NWD2: variants seen among roughly 807,000 people sequenced by gnomAD.
NWD2 encodes NACHT and WD repeat domain-containing protein 2.
A neutral mutation model predicts 132.7 loss-of-function variants in NWD2; 37 were observed. The ratio of observed to expected loss-of-function variants is 0.28; its 90% CI spans 0.21 to 0.37. The LOEUF (loss-of-function observed/expected upper bound fraction) is 0.37. NWD2 is among the 10% of genes least tolerant of loss of function. The pLI is 1.00. For missense variants in NWD2, 1,592 were observed against 2,122.4 expected, an observed-to-expected ratio of 0.75 and a Z score of 4.91; for synonymous variants, 705 against 803.0, an observed-to-expected ratio of 0.88 and a Z score of 2.06.
At chr4:37,286,573 TAGAA>T (rs1206697654) in intron 1 of NWD2, among the ~76,000 whole-genome samples, 1 of 152,148 alleles carries the variant, frequency 6.6e-6, no homozygotes, top group Non-Finnish European at 1.5e-5. Context: ...TTGGGGTCAG[TAGAA>T]AGAACACAAG....
At chr4:37,363,841 C>T (rs1264934167) in intron 3 of NWD2, among the ~76,000 whole-genome samples, 1 of 151,976 alleles carries the variant, frequency 6.6e-6, no homozygotes, top group African/African-American at 2.4e-5. Flanking sequence ...AAAAAGCAGA[C>T]GGCCGGGCGC....
At chr4:37,248,917 C>T (rs141387498) in intron 1 of NWD2, among the ~76,000 whole-genome samples, 6 of 152,242 alleles carry the variant, frequency 3.9e-5, no homozygotes, top group African/African-American at 7.2e-5. Context: ...AAAATACTTA[C>T]GCTCTAATAT....
chr4:37,348,673 TATAC>T (rs1188743927), intron 2 of NWD2, among the ~76,000 whole-genome samples: 4 of 28,204 alleles, frequency 1.4e-4, no homozygotes, highest in Non-Finnish European at 1.9e-4. Context: ...TATATATATA[TATAC>T]ACACACACAC....
intron 3 of NWD2, among the ~76,000 whole-genome samples, chr4:37,390,790 G>A (rs1720666808): frequency 6.6e-6 from 1 of 152,136 alleles, no homozygotes; most frequent in Admixed American, 6.5e-5. Flanking sequence ...GCTTCATGAA[G>A]GACCTTGACA....
Position 37,244,950 on chromosome 4 carries a change from C to T in NWD2, c.-118C>T. On this transcript the variant is annotated 5_prime_UTR_variant, in exon 1 of 7. Coordinates refer to ENST00000309447, the MANE Select transcript of NWD2 (RefSeq NM_001144990.2). This position sits in a 1 kb window ranked among gnomAD's most constrained non-coding sequence, Gnocchi z 5.5. ...AAGGCGCTTCGGGCTCGGAGCGGCT[C>T]TGAGCCGCGCCGCCTGCTGAGATCG... 7.1e-7 allele frequency: 1 copy of T among 1,398,950 alleles called. No individual in the cohort carries two copies. The highest frequency in any genetic ancestry group is 9.6e-7 in the Non-Finnish European group (1 of 1,044,258). The allele number at this position is 1,398,950 out of a possible 1,614,324, so 86.7% of individuals were successfully genotyped here.
intron 1 of NWD2, among the ~76,000 whole-genome samples, chr4:37,265,562 A>G (rs1035045048): frequency 1.3e-5 from 2 of 152,050 alleles, no homozygotes; most frequent in Non-Finnish European, 1.5e-5. Context: ...TGCATCTTCT[A>G]GACTCTAGGT....
chr4:37,283,391 A>G (rs1043295596), intron 1 of NWD2, among the ~76,000 whole-genome samples: 2 of 152,196 alleles, frequency 1.3e-5, no homozygotes, highest in African/African-American at 4.8e-5. Flanking sequence ...TTTTAAATTC[A>G]GTATGTCTGT....
Position 37,439,540 on chromosome 4 carries a change from T to A in NWD2, c.1296+150T>A. Reference sequence around the variant, plus strand: ...GAATACTGCAGTGCTTCTTTTTTGCTGGTATAACAGTTATATTGAGAGAGC... The same window carrying A: ...GAATACTGCAGTGCTTCTTTTTTGCAGGTATAACAGTTATATTGAGAGAGC... On this transcript the variant is annotated intron_variant, in intron 6 of 6. Coordinates refer to ENST00000309447, the MANE Select transcript of NWD2 (RefSeq NM_001144990.2). The surrounding 1 kb of genome is among the most constrained non-coding windows in gnomAD (Gnocchi z 4.5). 1 of 567,484 alleles carries A rather than the reference T, an allele frequency of 1.8e-6. No individual in the cohort carries two copies. The highest frequency in any genetic ancestry group is 3.4e-5 in the South Asian group (1 of 29,298). The allele number at this position is 567,484 out of a possible 1,614,324, so 35.2% of individuals were successfully genotyped here. A position where few individuals can be genotyped will look rare whatever the true frequency, so the allele number is the denominator to read the frequency against.
intron 2 of NWD2, among the ~76,000 whole-genome samples, chr4:37,345,914 C>G (rs1226149600): frequency 6.6e-6 from 1 of 151,974 alleles, no homozygotes; most frequent in Non-Finnish European, 1.5e-5. Flanking sequence ...AATCCCGTCT[C>G]TACTAAAAAT....
chr4:37,420,029 C>T (rs796393659), intron 3 of NWD2, among the ~76,000 whole-genome samples: 7 of 152,304 alleles, frequency 4.6e-5, no homozygotes, highest in South Asian at 4.1e-4. Flanking sequence ...TAGGTATGCT[C>T]ATTATTTTCC....
rs1011699776 is a variant in NWD2, at chr4:37,444,703, A to C, written c.2715A>C (p.Ala905=). ...GCAGCATCAAAAACAAGGTCACTGC[A>C]TTTCCCGGCTCCCTTTCAGCAGAGC... The part of the protein sequence containing the change: ...TLRSIKNKVT[A]FPGSLSAELQ... Residue 905 remains alanine, a synonymous_variant, in exon 7 of 7, where the codon GCA becomes GCC. Transcript: ENST00000309447. This position sits in a 1 kb window ranked among gnomAD's most constrained non-coding sequence, Gnocchi z 4.8. 16 of 1,552,012 alleles carry C rather than the reference A, an allele frequency of 1.0e-5. No individual in the cohort carries two copies. Among genetic ancestry groups the C allele is most frequent in the African/African-American group, 1.4e-5 (1 of 73,034 alleles).
At chr4:37,275,061 T>C (rs946361217) in intron 1 of NWD2, among the ~76,000 whole-genome samples, 2 of 152,144 alleles carry the variant, frequency 1.3e-5, no homozygotes, top group Non-Finnish European at 2.9e-5. Flanking sequence ...TTCAACATAG[T>C]GTTGGAAGTT....
intron 1 of NWD2, among the ~76,000 whole-genome samples, chr4:37,292,934 C>T (rs1371173177): frequency 6.6e-6 from 1 of 152,198 alleles, no homozygotes; most frequent in Non-Finnish European, 1.5e-5. Context: ...GCTGTGCAGC[C>T]TGGTTCCTAA....
intron 1 of NWD2, among the ~76,000 whole-genome samples, chr4:37,292,193 T>A (rs1183829040): frequency 6.6e-6 from 1 of 152,144 alleles, no homozygotes; most frequent in African/African-American, 2.4e-5. Flanking sequence ...CAAAGATCCA[T>A]GCAGGAAACT....
intron 1 of NWD2, among the ~76,000 whole-genome samples, chr4:37,293,108 T>C (rs1251348772): frequency 1.3e-5 from 2 of 152,210 alleles, no homozygotes; most frequent in Non-Finnish European, 2.9e-5. Context: ...TGTTACCACT[T>C]TCTTTTTCAA....
At chr4:37,427,969 G>A (rs1239788228) in intron 3 of NWD2, among the ~76,000 whole-genome samples, 2 of 152,220 alleles carry the variant, frequency 1.3e-5, no homozygotes, top group Non-Finnish European at 2.9e-5. Context: ...ACAGAAAGAA[G>A]CTTCAGAGAA....
In NWD2 at chr4:37,294,451, C is replaced by T. The variant is rs534345706; in HGVS notation, c.152-31485C>T. 1.1e-3 allele frequency among the ~76,000 whole-genome samples: 169 copies of T among 152,212 alleles called. 5 individuals carry two copies. In the South Asian group the frequency reaches 0.016, roughly 15 times the overall value. ...GGACTACATGCTGACTTGCCAGAGG[C>T]CATAGGAGCAGCTAAGAAGGATACA... On this transcript the variant is annotated intron_variant, in intron 1 of 6. Coordinates refer to ENST00000309447, the MANE Select transcript of NWD2 (RefSeq NM_001144990.2).
At chr4:37,342,326 T>C (rs1009629754) in intron 2 of NWD2, among the ~76,000 whole-genome samples, 8 of 152,112 alleles carry the variant, frequency 5.3e-5, no homozygotes, top group Non-Finnish European at 1.0e-4. Context: ...CCTTCCACCA[T>C]GAGTAAAAGC....
At chr4:37,327,928 A>G (rs1297545035) in intron 2 of NWD2, among the ~76,000 whole-genome samples, 12 of 152,070 alleles carry the variant, frequency 7.9e-5, no homozygotes, top group Admixed American at 7.9e-4. Context: ...GGTCTACTTC[A>G]TGCTTGCTTG....
Sources: gnomAD v4.1 joint callset for allele counts (sites outside exome capture counted in the v4.1 genomes callset) on GRCh38, gnomAD v4.1.1 for gene constraint, Gnocchi (gnomAD v3.1) non-coding constraint, MANE v1.5 for transcripts, NCBI Gene and HGNC (gene_info 2026-07-23, HGNC 2026-07-21) for gene names.